LINS1: variants seen among roughly 807,000 people sequenced by gnomAD.
The protein encoded by LINS1 is protein Lines homolog 1.
A neutral mutation model predicts 41.6 loss-of-function variants in LINS1; 27 were observed. The ratio of observed to expected loss-of-function variants is 0.65; its 90% CI spans 0.48 to 0.89. The LOEUF (loss-of-function observed/expected upper bound fraction) is 0.89. Among genes scored for constraint, LINS1 ranks in the 40% least tolerant of loss-of-function variants. LINS1 has a pLI of 0.00. For missense variants in LINS1, 955 were observed against 884.1 expected (o/e 1.08, Z -1.02); for synonymous variants, 336 against 312.9 (o/e 1.07, Z -0.78).
chr15:100,583,794 T>C (rs1174641688), intron 1 of LINS1, among the ~76,000 whole-genome samples: 1 of 152,212 alleles, frequency 6.6e-6, no homozygotes, highest in African/African-American at 2.4e-5. Flanking sequence ...CAAAATAATC[T>C]CCTTAATTGC....
intron 3 of LINS1, among the ~76,000 whole-genome samples, chr15:100,579,923 G>C (rs1253959454): frequency 6.6e-6 from 1 of 152,110 alleles, no homozygotes. Context: ...ACACATTTAA[G>C]ACTCTAATCC....
chr15:100,574,251 T>C lies in LINS1; in HGVS notation c.632-10A>G, dbSNP rs752944051. ...AACTGCTTTAGAATTTCTGCAATTA[T>C]AAAAATAGGAATTATAAACAGGAAA... On this transcript the variant is annotated splice_polypyrimidine_tract_variant and intron_variant, in intron 4 of 6. Transcript: ENST00000314742. 28 of 1,515,934 alleles carry C rather than the reference T, an allele frequency of 1.8e-5. No individual in the cohort carries two copies. The highest frequency in any genetic ancestry group is 2.2e-5 in the Non-Finnish European group (24 of 1,091,126). 93.9% of individuals were successfully genotyped at this position (1,515,934 alleles called of 1,614,324 possible).
chr15:100,578,010 T>C (rs892890304), intron 3 of LINS1, among the ~76,000 whole-genome samples: 3 of 152,108 alleles, frequency 2.0e-5, no homozygotes, highest in Non-Finnish European at 1.5e-5. Flanking sequence ...TTATACCTTA[T>C]ACAAAAATTA....
chr15:100,576,890 T>C (rs1344096353), intron 3 of LINS1, among the ~76,000 whole-genome samples: 2 of 152,228 alleles, frequency 1.3e-5, no homozygotes, highest in Non-Finnish European at 2.9e-5. Flanking sequence ...TCAGTAAATG[T>C]AATCCATCAT....
rs1032004621 is a variant in LINS1, at chr15:100,587,145, G to T, written c.-103-6200C>A. Among the ~76,000 whole-genome samples the T allele has an allele frequency of 1.6e-4, 19 of 121,964 alleles. No individual in the cohort carries two copies. In the South Asian group the frequency reaches 2.0e-3, roughly 13 times the overall value. The allele number at this position is 121,964 out of a possible 152,430, so 80.0% of individuals were successfully genotyped here. On this transcript the variant is annotated intron_variant, in intron 1 of 6. Coordinates refer to ENST00000314742, the MANE Select transcript of LINS1 (RefSeq NM_001040616.3). ...CTGTACTCCAGCCTGGCAATAGAGG[G>T]AGACTCTGTCTTAAAAAAAAAAAAA...
intron 3 of LINS1, among the ~76,000 whole-genome samples, chr15:100,577,162 G>A (rs1306663481): frequency 6.6e-6 from 1 of 152,178 alleles, no homozygotes; most frequent in Non-Finnish European, 1.5e-5. Flanking sequence ...ACAGAGTGTT[G>A]GAAATTCTGG....
chr15:100,582,562 T>C (rs180866085), intron 1 of LINS1, among the ~76,000 whole-genome samples: 1 of 129,454 alleles, frequency 7.7e-6, no homozygotes, highest in East Asian at 2.9e-4. Flanking sequence ...TATGGCCCAC[T>C]AGCCTAGTCT....
Position 100,574,208 on chromosome 15 carries a change from G to C in LINS1, c.665C>G (p.Thr222Ser), listed in dbSNP as rs1242276772. ...GGAATTGTAAAACACTTCAAAAATG[G>C]TGTCGAAATGAGTCAGGAACTGCTT... ...ILKQFLTHFD[T>S]IFEVFYNSLF... Residue 222 changes from threonine to serine, a missense_variant, in exon 5 of 7, where the codon ACC (threonine) becomes AGC (serine). Coordinates refer to ENST00000314742, the MANE Select transcript of LINS1 (RefSeq NM_001040616.3). 6.2e-7 allele frequency: 1 copy of C among 1,611,902 alleles called. No homozygotes were observed. Among genetic ancestry groups the C allele is most frequent in the South Asian group, 1.1e-5 (1 of 90,846 alleles).
chr15:100,586,069 G>T (rs1369681954), intron 1 of LINS1, among the ~76,000 whole-genome samples: 1 of 152,194 alleles, frequency 6.6e-6, no homozygotes, highest in African/African-American at 2.4e-5. Flanking sequence ...TAAGCTCAAG[G>T]GAAAATTCAA....
At chr15:100,601,967 A>G (rs1278332941) in intron 1 of LINS1, 154 bp downstream of exon 1, 1 of 152,188 alleles carries the variant, frequency 6.6e-6, no homozygotes, top group Admixed American at 6.5e-5. Context: ...CTTGCGTCTG[A>G]CAAGCGCTGA....
Position 100,569,073 on chromosome 15 carries a change from G to A in LINS1, c.*165C>T, listed in dbSNP as rs571875578. ...CAGGAGGTGGAGGTTGCAGTGAGTC[G>A]AGTCACGCCACTGCACTCCGGCCTG... On this transcript the variant is annotated 3_prime_UTR_variant, in exon 7 of 7. Coordinates refer to ENST00000314742, the MANE Select transcript of LINS1 (RefSeq NM_001040616.3). 177 of 495,402 alleles carry A rather than the reference G, an allele frequency of 3.6e-4. 2 individuals carry two copies. In the South Asian group the frequency reaches 4.0e-3, roughly 11 times the overall value. The allele number at this position is 495,402 out of a possible 1,614,324, so 30.7% of individuals were successfully genotyped here. A position where few individuals can be genotyped will look rare whatever the true frequency, so the allele number is the denominator to read the frequency against.
At chr15:100,574,927 A>G (rs1454184648) in intron 4 of LINS1, 60 bp downstream of exon 4, 3 of 1,555,628 alleles carry the variant, frequency 1.9e-6, no homozygotes, top group African/African-American at 1.4e-5. Context: ...GTTTCTCATT[A>G]TAAATGCAAC....
chr15:100,600,003 T>C (rs554493250), intron 1 of LINS1, among the ~76,000 whole-genome samples: 2 of 152,134 alleles, frequency 1.3e-5, no homozygotes, highest in African/African-American at 4.8e-5. Flanking sequence ...GAGGCGGAGG[T>C]TGCAGTGAGC....
intron 1 of LINS1, among the ~76,000 whole-genome samples, chr15:100,595,981 A>G (rs2039225701): frequency 6.6e-6 from 1 of 152,226 alleles, no homozygotes; most frequent in Non-Finnish European, 1.5e-5. Context: ...CTCCCCTATT[A>G]AAAGAAGTGG....
At chr15:100,574,282 T>C (rs1487578057) in intron 4 of LINS1, 41 bp from the exon 5 acceptor site, 1 of 1,273,894 alleles carries the variant, frequency 7.8e-7, no homozygotes, top group Non-Finnish European at 1.1e-6. Flanking sequence ...GGAAAAACAG[T>C]CTTCTTCAAA....
In LINS1 at chr15:100,580,893, A is replaced by G; in HGVS notation, c.-51T>C. On this transcript the variant is annotated 5_prime_UTR_variant, in exon 2 of 7. Transcript: ENST00000314742. ...AGAAGGTCGACAACTCCAAGTTGTA[A>G]ACATTAAATCTCAGAAGTGCAATGA... 1.3e-6 allele frequency: 2 copies of G among 1,519,896 alleles called. No homozygotes were observed. Among genetic ancestry groups the G allele is most frequent in the Non-Finnish European group, 1.8e-6 (2 of 1,107,332 alleles). The allele number at this position is 1,519,896 out of a possible 1,614,324, so 94.2% of individuals were successfully genotyped here.
chr15:100,576,214 C>CA (rs1232286582), intron 3 of LINS1, among the ~76,000 whole-genome samples: 12 of 151,974 alleles, frequency 7.9e-5, no homozygotes, highest in South Asian at 4.1e-4. Context: ...AAAAACCCTT[C>CA]AAAAAATCAA....
chr15:100,571,725 A>T (rs1328931191), intron 6 of LINS1, among the ~76,000 whole-genome samples, 169 bp downstream of exon 6: 1 of 152,230 alleles, frequency 6.6e-6, no homozygotes, highest in Non-Finnish European at 1.5e-5. Flanking sequence ...TTTCCTAGCG[A>T]TACAAATGCA....
At chr15:100,576,807 CATCAAAAAGCTT>C (rs1337930376) in intron 3 of LINS1, 2 of 152,224 alleles carry the variant, frequency 1.3e-5, no homozygotes, top group Admixed American at 6.5e-5. Flanking sequence ...TCCGGCAGCA[CATCAAAAAGCTT>C]ATCCACCATG....
Sources: allele counts gnomAD v4.1 joint callset (sites outside exome capture counted in the v4.1 genomes callset), GRCh38; gene constraint gnomAD v4.1.1; transcripts MANE v1.5; gene names NCBI Gene and HGNC (gene_info 2026-07-23, HGNC 2026-07-21).